ACAP2: variants seen among roughly 807,000 people sequenced by gnomAD.
ACAP2 encodes the protein ArfGAP with coiled-coil, ankyrin repeat and PH domains 2.
In ACAP2, 39 loss-of-function variants were observed where a neutral mutation model predicts 115.8. The ratio of observed to expected loss-of-function variants is 0.34; its 90% CI spans 0.26 to 0.44. The LOEUF (loss-of-function observed/expected upper bound fraction) is 0.44, where lower values mean the gene tolerates loss of function less well. Ranked by LOEUF, ACAP2 falls within the 20% of genes least tolerant of loss-of-function variation. The pLI is 1.00. For missense variants in ACAP2, 662 were observed against 927.6 expected (o/e 0.71, Z 3.72); for synonymous variants, 289 against 315.8 (o/e 0.92, Z 0.90).
chr3:195,301,478 G>T, intron 15 of ACAP2, 97 bp downstream of exon 15: 1 of 909,988 alleles, frequency 1.1e-6, no homozygotes, highest in Non-Finnish European at 1.7e-6. Flanking sequence ...AGCATACATT[G>T]GTAGCATGAA....
At chr3:195,295,979 C>T (rs1727634294) in intron 16 of ACAP2, 87 bp from the exon 17 acceptor site, 1 of 1,050,740 alleles carries the variant, frequency 9.5e-7, no homozygotes. Context: ...TGAACATATT[C>T]AAACAAAGTC....
chr3:195,277,652 A>G lies in ACAP2; in HGVS notation c.*1676T>C, dbSNP rs1286183656. On this transcript the variant is annotated 3_prime_UTR_variant, in exon 23 of 23. Coordinates refer to ENST00000326793, the MANE Select transcript of ACAP2 (RefSeq NM_012287.6). ...CCTAGTGACTGGGAAATGTTAGAAAATTTATCTATAATTGGATCATAAAGT... is the reference window on the plus strand; with the variant it reads ...CCTAGTGACTGGGAAATGTTAGAAAGTTTATCTATAATTGGATCATAAAGT... 6.6e-6 allele frequency: 1 copy of G among 152,238 alleles called. No homozygotes were observed. The highest frequency in any genetic ancestry group is 1.5e-5 in the Non-Finnish European group (1 of 68,038). 9.4% of individuals were successfully genotyped at this position (152,238 alleles called of 1,614,324 possible). A position where few individuals can be genotyped will look rare whatever the true frequency, so the allele number is the denominator to read the frequency against.
chr3:195,350,900 GAA>G (rs1230239791), intron 4 of ACAP2, among the ~76,000 whole-genome samples: 2 of 150,896 alleles, frequency 1.3e-5, no homozygotes, highest in African/African-American at 2.4e-5. Flanking sequence ...ACTTCCACAA[GAA>G]AACATTGAAA....
intron 4 of ACAP2, among the ~76,000 whole-genome samples, chr3:195,349,341 C>T (rs1042441999): frequency 3.3e-5 from 5 of 151,974 alleles, no homozygotes; most frequent in Non-Finnish European, 7.4e-5. Flanking sequence ...ATCAGCCGGG[C>T]GTGGTGGCAC....
intron 10 of ACAP2, among the ~76,000 whole-genome samples, chr3:195,315,432 C>T (rs1015754736): frequency 6.6e-6 from 1 of 152,210 alleles, no homozygotes; most frequent in Non-Finnish European, 1.5e-5. Context: ...TTCCTAATAA[C>T]GTAAGTGCTT....
At chr3:195,425,804 A>T (rs1714641941) in intron 1 of ACAP2, among the ~76,000 whole-genome samples, 1 of 152,088 alleles carries the variant, frequency 6.6e-6, no homozygotes, top group Non-Finnish European at 1.5e-5. Context: ...AATTCCCTAT[A>T]AAAAAATTCA....
intron 20 of ACAP2, among the ~76,000 whole-genome samples, chr3:195,290,855 A>ATAAG (rs1395754476): frequency 1.1e-4 from 17 of 148,980 alleles, no homozygotes; most frequent in South Asian, 8.4e-4. Context: ...TAAATAATAA[A>ATAAG]TAAATAAATA....
chr3:195,387,448 T>C (rs1734378375), intron 2 of ACAP2, among the ~76,000 whole-genome samples: 1 of 152,250 alleles, frequency 6.6e-6, no homozygotes, highest in Non-Finnish European at 1.5e-5. Context: ...TTTTGCAATA[T>C]TGCTATAATA....
chr3:195,311,945 T>C (rs1728801742), intron 10 of ACAP2, among the ~76,000 whole-genome samples: 1 of 151,442 alleles, frequency 6.6e-6, no homozygotes, highest in South Asian at 2.1e-4. Context: ...TATTAAATTC[T>C]AAATATTATA....
intron 1 of ACAP2, among the ~76,000 whole-genome samples, chr3:195,404,722 GCACATATGTATTTATATATACA>G (rs965093085): frequency 7.0e-6 from 1 of 143,728 alleles, no homozygotes; most frequent in Non-Finnish European, 1.5e-5. Flanking sequence ...ATACACACAC[GCACATATGTATTTATATATACA>G]CACATACGTA....
intron 2 of ACAP2, among the ~76,000 whole-genome samples, chr3:195,385,389 A>G: frequency 1.2e-5 from 1 of 82,378 alleles, no homozygotes; most frequent in South Asian, 3.1e-4. Context: ...CAAACTTAGT[A>G]AAAAAAAAAA....
intron 4 of ACAP2, among the ~76,000 whole-genome samples, chr3:195,371,650 C>T (rs940270669): frequency 2.6e-5 from 4 of 152,176 alleles, no homozygotes; most frequent in African/African-American, 9.6e-5. Flanking sequence ...AAGGGGAATG[C>T]TCCCAAAATT....
At chr3:195,321,533 A>T (rs914432375) in intron 9 of ACAP2, among the ~76,000 whole-genome samples, 3 of 152,006 alleles carry the variant, frequency 2.0e-5, no homozygotes, top group Non-Finnish European at 2.9e-5. Context: ...ACAATTTTTT[A>T]AAGTATATGG....
chr3:195,383,827 T>C (rs903252899), intron 2 of ACAP2, among the ~76,000 whole-genome samples: 2 of 152,148 alleles, frequency 1.3e-5, no homozygotes, highest in Non-Finnish European at 2.9e-5. Context: ...GTAACATACA[T>C]GCAGAGATAA....
intron 1 of ACAP2, among the ~76,000 whole-genome samples, chr3:195,406,857 A>G (rs1033776640): frequency 5.3e-5 from 8 of 152,236 alleles, no homozygotes; most frequent in African/African-American, 1.7e-4. Context: ...GACACGCTAC[A>G]AATTCAAAAT....
At position 195,327,089 on chromosome 3, in the gene ACAP2, C is replaced by T. The variant is rs896280560; in HGVS notation, c.670-130G>A. On this transcript the variant is annotated intron_variant, in intron 8 of 22. Transcript: ENST00000326793. ...TTAAGCTGATTTAATAAAGTTTTGG[C>T]TAAATTTTGAAGTAGAAGTTCATAT... 13 of 894,852 alleles carry T rather than the reference C, an allele frequency of 1.5e-5. No individual in the cohort carries two copies. The East Asian group carries it at 3.3e-4, about 22-fold the overall frequency. The allele number at this position is 894,852 out of a possible 1,614,324, so 55.4% of individuals were successfully genotyped here.
chr3:195,305,056 T>C, intron 13 of ACAP2, among the ~76,000 whole-genome samples: 1 of 152,170 alleles, frequency 6.6e-6, no homozygotes, highest in Non-Finnish European at 1.5e-5. Flanking sequence ...CATCATAGTA[T>C]GCAATGATGG....
chr3:195,285,755 C>A (rs1304481439), intron 22 of ACAP2, 41 bp downstream of exon 22: 3 of 1,471,036 alleles, frequency 2.0e-6, no homozygotes, highest in African/African-American at 1.4e-5. Context: ...GAATGCATTT[C>A]TTATACTGCA....
chr3:195,307,989 C>G (rs1032423371), intron 11 of ACAP2, among the ~76,000 whole-genome samples: 1 of 152,060 alleles, frequency 6.6e-6, no homozygotes, highest in Non-Finnish European at 1.5e-5. Flanking sequence ...AGGTGAAAAG[C>G]AAGTTATCCA....
Sources: allele counts gnomAD v4.1 joint callset (sites outside exome capture counted in the v4.1 genomes callset), GRCh38; gene constraint gnomAD v4.1.1; transcripts MANE v1.5; gene names NCBI Gene and HGNC (gene_info 2026-07-23, HGNC 2026-07-21).